PRKN: variants seen among roughly 807,000 people sequenced by gnomAD.
The protein encoded by PRKN is parkin RBR E3 ubiquitin protein ligase.
PRKN carries 56 observed loss-of-function variants against 59.5 expected under a neutral mutation model. The observed-to-expected ratio is 0.94, with a 90% CI of 0.76 to 1.18. The LOEUF (loss-of-function observed/expected upper bound fraction) is 1.18. Ranked by LOEUF, PRKN falls within the 50% of genes most tolerant of loss-of-function variation. The probability of loss-of-function intolerance (pLI) is 0.00; values close to 1 mark genes in which losing one functional copy is unlikely to be tolerated. For synonymous variants in PRKN, 250 were observed against 222.1 expected (o/e 1.13, Z -1.12); for missense variants, 657 against 596.4 (o/e 1.10, Z -1.06).
intron 7 of PRKN, among the ~76,000 whole-genome samples, chr6:161,712,269 CT>C (rs1786781166): frequency 6.6e-6 from 1 of 152,100 alleles, no homozygotes; most frequent in African/African-American, 2.4e-5. Flanking sequence ...CTTAAAATGG[CT>C]TAAAGTTAGG....
At chr6:161,774,176 G>C (rs1451718733) in intron 7 of PRKN, among the ~76,000 whole-genome samples, 1 of 152,042 alleles carries the variant, frequency 6.6e-6, no homozygotes, top group Non-Finnish European at 1.5e-5. Context: ...CCGTGTACCA[G>C]TCACTCCTTA....
chr6:161,422,621 C>T (rs1292889830), intron 9 of PRKN, among the ~76,000 whole-genome samples: 2 of 151,708 alleles, frequency 1.3e-5, no homozygotes, highest in Non-Finnish European at 2.9e-5. Flanking sequence ...CTTTTTTATT[C>T]CCCCTTTCTC....
intron 4 of PRKN, among the ~76,000 whole-genome samples, chr6:162,115,935 C>G (rs1780651611): frequency 6.6e-6 from 1 of 152,116 alleles, no homozygotes; most frequent in African/African-American, 2.4e-5. Flanking sequence ...CATCTTTTTT[C>G]CACTGGGAAT....
At chr6:161,979,528 C>T (rs1294011551) in intron 5 of PRKN, among the ~76,000 whole-genome samples, 2 of 152,156 alleles carry the variant, frequency 1.3e-5, no homozygotes, top group African/African-American at 4.8e-5. Flanking sequence ...CCCACCTCAG[C>T]CTTTCAAAGT....
At chr6:162,475,559 A>G (rs1027116784) in intron 1 of PRKN, among the ~76,000 whole-genome samples, 5 of 147,022 alleles carry the variant, frequency 3.4e-5, no homozygotes, top group East Asian at 2.0e-4. Context: ...GTGCATGTGT[A>G]TGCATGTGAG....
chr6:161,860,047 G>C (rs1281315836), intron 6 of PRKN, among the ~76,000 whole-genome samples: 2 of 152,048 alleles, frequency 1.3e-5, no homozygotes, highest in Non-Finnish European at 2.9e-5. Flanking sequence ...AAATTATCAT[G>C]TTGTCTTCAA....
intron 7 of PRKN, among the ~76,000 whole-genome samples, chr6:161,718,832 C>T (rs1787099909): frequency 6.6e-6 from 1 of 151,798 alleles, no homozygotes; most frequent in South Asian, 2.1e-4. Context: ...AGTGTGTTAT[C>T]CTGCAGAAAA....
chr6:161,543,942 T>C (rs547858659), intron 9 of PRKN, among the ~76,000 whole-genome samples: 7 of 152,268 alleles, frequency 4.6e-5, no homozygotes, highest in African/African-American at 1.7e-4. Flanking sequence ...TTCTGATGAA[T>C]AGCAATAAGG....
At chr6:161,854,274 A>T (rs1370559604) in intron 6 of PRKN, among the ~76,000 whole-genome samples, 2 of 151,844 alleles carry the variant, frequency 1.3e-5, no homozygotes, top group African/African-American at 4.8e-5. Flanking sequence ...CATACAAACA[A>T]ACAAAAAACA....
intron 6 of PRKN, among the ~76,000 whole-genome samples, chr6:161,965,132 A>G (rs1448135581): frequency 7.2e-5 from 11 of 152,098 alleles, no homozygotes; most frequent in Admixed American, 7.2e-4. Context: ...GAAAGTACAA[A>G]TGGACTTTGA....
chr6:161,581,211 A>C lies in PRKN; in HGVS notation c.872-11795T>G, dbSNP rs1246898089. On this transcript the variant is annotated intron_variant, in intron 7 of 11. Coordinates refer to ENST00000366898, the MANE Select transcript of PRKN (RefSeq NM_004562.3). The surrounding 1 kb of genome is among the most constrained non-coding windows in gnomAD (Gnocchi z 4.5). Reference sequence around the variant, plus strand: ...GCAACAGAGTGAGACTCTGTCTCAAAAAAAAAAAAAAAGTTTCTCTATGTA... The same window carrying C: ...GCAACAGAGTGAGACTCTGTCTCAACAAAAAAAAAAAAGTTTCTCTATGTA... 2.6e-5 allele frequency among the ~76,000 whole-genome samples: 4 copies of C among 151,558 alleles called. No individual in the cohort carries two copies. The highest frequency in any genetic ancestry group is 5.9e-5 in the Non-Finnish European group (4 of 67,792).
intron 2 of PRKN, among the ~76,000 whole-genome samples, chr6:162,287,877 C>A (rs186317992): frequency 7.2e-4 from 110 of 152,266 alleles, no homozygotes; most frequent in Non-Finnish European, 1.0e-3. Context: ...CCAATCATTT[C>A]AAAGGCTGGT....
chr6:161,653,673 A>G (rs1233926390), intron 7 of PRKN, among the ~76,000 whole-genome samples: 1 of 152,244 alleles, frequency 6.6e-6, no homozygotes, highest in African/African-American at 2.4e-5. Flanking sequence ...ATAGAGAAGT[A>G]CATCGTATAT....
chr6:162,140,280 A>G (rs149668037), intron 4 of PRKN, among the ~76,000 whole-genome samples: 150 of 152,272 alleles, frequency 9.9e-4, no homozygotes, highest in African/African-American at 3.2e-3. Flanking sequence ...GCTTTTCATG[A>G]TAATTTAGAA....
In PRKN at chr6:162,246,364, A is replaced by C. The variant is rs1343533169; in HGVS notation, c.412+16161T>G. Reference sequence around the variant, plus strand: ...CACCAAAGAGACATGCCTAGAAAGAAAGCAAACCTACAACACCTTGATCTT... The same window carrying C: ...CACCAAAGAGACATGCCTAGAAAGACAGCAAACCTACAACACCTTGATCTT... On this transcript the variant is annotated intron_variant, in intron 3 of 11. Transcript: ENST00000366898. 2.0e-5 allele frequency among the ~76,000 whole-genome samples: 3 copies of C among 152,152 alleles called. No individual in the cohort carries two copies. The East Asian group carries it at 5.8e-4, about 29-fold the overall frequency.
intron 2 of PRKN, among the ~76,000 whole-genome samples, chr6:162,295,436 CTGTGGTCTGATACCACG>C (rs1781627330): frequency 6.6e-6 from 1 of 152,184 alleles, no homozygotes; most frequent in South Asian, 2.1e-4. Flanking sequence ...CACACAGGCC[CTGTGGTCTGATACCACG>C]TAAGGCACCC....
intron 6 of PRKN, among the ~76,000 whole-genome samples, chr6:161,865,732 T>G (rs1294025629): frequency 2.6e-5 from 4 of 152,212 alleles, no homozygotes; most frequent in Non-Finnish European, 5.9e-5. Flanking sequence ...AGGTTTTGGC[T>G]TAAGGGAGTG....
intron 3 of PRKN, among the ~76,000 whole-genome samples, chr6:162,229,280 T>C (rs752049741): frequency 2.6e-5 from 4 of 152,130 alleles, no homozygotes; most frequent in Non-Finnish European, 5.9e-5. Flanking sequence ...TTCAAGTAAC[T>C]GTGATTCATC....
Position 161,397,052 on chromosome 6 carries a change from G to A in PRKN, c.1084-10175C>T, listed in dbSNP as rs1021376564. Among the ~76,000 whole-genome samples, 14 of 152,176 alleles carry A rather than the reference G, an allele frequency of 9.2e-5. No homozygotes were observed. Among genetic ancestry groups the A allele is most frequent in the African/African-American group, 3.1e-4 (13 of 41,422 alleles). ...TTTCCCCTGCAGCCTCAGCCAAAAT[G>A]ATCAAGGTGTTTTCTTCCCAAGCCC... On this transcript the variant is annotated intron_variant, in intron 9 of 11. Transcript: ENST00000366898. This position sits in a 1 kb window ranked among gnomAD's most constrained non-coding sequence, Gnocchi z 4.2.
Sources: allele counts gnomAD v4.1 joint callset (sites outside exome capture counted in the v4.1 genomes callset), GRCh38; gene constraint gnomAD v4.1.1; non-coding constraint Gnocchi (gnomAD v3.1); transcripts MANE v1.5; gene names NCBI Gene and HGNC (gene_info 2026-07-23, HGNC 2026-07-21).